ATRX: variants seen among roughly 807,000 people sequenced by gnomAD.
The protein encoded by ATRX is ATRX chromatin remodeler.
A neutral mutation model predicts 172.6 loss-of-function variants in ATRX; 12 were observed. The observed-to-expected ratio is 0.07, with a 90% confidence interval of 0.04 to 0.11. ATRX has a LOEUF of 0.11. Ranked by LOEUF, ATRX falls within the 10% of genes least tolerant of loss-of-function variation. The probability of loss-of-function intolerance (pLI) is 1.00; values close to 1 mark genes in which losing one functional copy is unlikely to be tolerated. For missense variants in ATRX, 1,368 were observed against 1,767.4 expected (o/e 0.77, Z 4.05); for synonymous variants, 674 against 594.7 (o/e 1.13, Z -1.94).
intron 5 of ATRX, among the ~76,000 whole-genome samples, chrX:77,695,139 A>G (rs2072123170): frequency 9.2e-6 from 1 of 108,665 alleles, no homozygotes; most frequent in Non-Finnish European, 1.9e-5. Context: ...TGAAAAGAGC[A>G]CTCACTAGGC....
rs781957333 is a variant in ATRX, at chrX:77,682,911, T to C, written c.2345A>G (p.Lys782Arg). ...GKDDKGKRKR[K>R]SSTSGSDFDT... ...AAAATCTGAGCCAGATGTAGAACTT[T>C]TTCGTTTCCTTTTTCCTTTATCATC... is the stretch of plus-strand genomic sequence containing the variant. The change falls in exon 9 of 35, where the codon AAA becomes AGA. Residue 782 changes from lysine (K) to arginine (R), a missense_variant. Lys to Arg is a conservative substitution (Grantham distance 26, BLOSUM62 2). Coordinates refer to ENST00000373344, the MANE Select transcript of ATRX (RefSeq NM_000489.6). The C allele has an allele frequency of 1.7e-6, 2 of 1,208,811 alleles. No individual in the cohort carries two copies. Among genetic ancestry groups the C allele is most frequent in the South Asian group, 1.8e-5 (1 of 56,666 alleles).
intron 25 of ATRX, 132 bp downstream of exon 25, chrX:77,599,279 T>C (rs1389572278): frequency 1.5e-5 from 10 of 685,766 alleles, no homozygotes; most frequent in African/African-American, 2.2e-5. Context: ...TTATGAGTAC[T>C]TGATTAGACT....
intron 2 of ATRX, among the ~76,000 whole-genome samples, chrX:77,710,933 A>AACACACAC (rs145847838): frequency 2.0e-4 from 20 of 97,930 alleles, no homozygotes; most frequent in South Asian, 9.9e-4. Flanking sequence ...ATAGAACTTT[A>AACACACAC]ACACACACAC....
At chrX:77,755,233 T>C (rs2075446556) in intron 1 of ATRX, among the ~76,000 whole-genome samples, 2 of 112,602 alleles carry the variant, frequency 1.8e-5, no homozygotes, top group Non-Finnish European at 3.7e-5. Context: ...GCAGTTCTTG[T>C]AACCTTTTAT....
At chrX:77,567,766 A>G (rs782730917) in intron 28 of ATRX, among the ~76,000 whole-genome samples, 1 of 111,480 alleles carries the variant, frequency 9.0e-6, no homozygotes, top group Non-Finnish European at 1.9e-5. Context: ...AGCAGAGTAC[A>G]TATTCTCTTC....
At chrX:77,774,538 G>A (rs1342364696) in intron 1 of ATRX, among the ~76,000 whole-genome samples, 19 of 110,668 alleles carry the variant, frequency 1.7e-4, no homozygotes, top group East Asian at 1.1e-3. Context: ...TTAGCTGGGC[G>A]TGATGGCGGG....
At chrX:77,701,378 G>A (rs1182839243) in intron 2 of ATRX, among the ~76,000 whole-genome samples, 1 of 109,961 alleles carries the variant, frequency 9.1e-6, no homozygotes, top group Non-Finnish European at 1.9e-5. Context: ...TGGGCGTGGT[G>A]GCATGCACCT....
At chrX:77,739,321 T>G (rs2074748210) in intron 1 of ATRX, among the ~76,000 whole-genome samples, 1 of 110,256 alleles carries the variant, frequency 9.1e-6, no homozygotes, top group South Asian at 3.8e-4. Context: ...CATTAATTCA[T>G]TCATTCTTAT....
At chrX:77,686,374 T>A (rs1255334910) in intron 7 of ATRX, among the ~76,000 whole-genome samples, 8 of 111,452 alleles carry the variant, frequency 7.2e-5, no homozygotes, top group East Asian at 2.8e-4. Flanking sequence ...AATTTTTTTT[T>A]AAAAAAGGGA....
chrX:77,588,341 G>A (rs1412696795), intron 27 of ATRX, among the ~76,000 whole-genome samples: 1 of 112,013 alleles, frequency 8.9e-6, no homozygotes, highest in East Asian at 2.8e-4. Context: ...CAAACACAGG[G>A]GTTAAAGCTT....
intron 1 of ATRX, among the ~76,000 whole-genome samples, chrX:77,733,561 G>GA (rs1406640366): frequency 9.1e-6 from 1 of 109,820 alleles, no homozygotes; most frequent in Non-Finnish European, 1.9e-5. Context: ...CTGGGGAAAA[G>GA]AAAAAGGCTC....
intron 19 of ATRX, among the ~76,000 whole-genome samples, chrX:77,630,658 A>G (rs1313638378): frequency 1.8e-5 from 2 of 112,214 alleles, no homozygotes; most frequent in African/African-American, 6.5e-5. Flanking sequence ...TTTTCAACAA[A>G]TGGTGTTAGA....
At chrX:77,551,559 C>A (rs1324716296) in intron 30 of ATRX, among the ~76,000 whole-genome samples, 1 of 111,808 alleles carries the variant, frequency 8.9e-6, no homozygotes, top group Non-Finnish European at 1.9e-5. Context: ...TAGGCATGGG[C>A]AAGGACTTCA....
chrX:77,721,126 C>T (rs1197690582), intron 1 of ATRX, among the ~76,000 whole-genome samples: 1 of 111,542 alleles, frequency 9.0e-6, no homozygotes, highest in Non-Finnish European at 1.9e-5. Flanking sequence ...AAATTCAACA[C>T]TCCTTCACGC....
intron 19 of ATRX, 124 bp from the exon 20 acceptor site, chrX:77,620,656 T>C (rs1210292146): frequency 1.5e-6 from 1 of 668,471 alleles, no homozygotes; most frequent in East Asian, 3.6e-5. Flanking sequence ...AATGACATCG[T>C]TGTAAGTATA....
At chrX:77,667,935 T>C (rs1323958077) in intron 10 of ATRX, among the ~76,000 whole-genome samples, 1 of 111,168 alleles carries the variant, frequency 9.0e-6, no homozygotes, top group Admixed American at 9.6e-5. Context: ...TGGCTAAAGG[T>C]TTTATTTTTG....
At chrX:77,633,872 G>T in intron 17 of ATRX, 160 bp from the exon 18 acceptor site, 1 of 494,611 alleles carries the variant, frequency 2.0e-6, no homozygotes, top group Non-Finnish European at 3.4e-6. Context: ...AAATGCCAAA[G>T]TTCAACTAGA....
intron 19 of ATRX, among the ~76,000 whole-genome samples, chrX:77,627,673 G>A (rs1285693566): frequency 9.5e-6 from 1 of 105,091 alleles, no homozygotes; most frequent in Non-Finnish European, 1.9e-5. Flanking sequence ...ACCAGCCTGG[G>A]CAACACAGTA....
chrX:77,604,248 C>T (rs1432100218), intron 22 of ATRX, among the ~76,000 whole-genome samples: 1 of 112,236 alleles, frequency 8.9e-6, no homozygotes, highest in Non-Finnish European at 1.9e-5. Flanking sequence ...AACTAGACAT[C>T]CAACAGGGGA....
Sources: allele counts gnomAD v4.1 joint callset (sites outside exome capture counted in the v4.1 genomes callset), GRCh38; gene constraint gnomAD v4.1.1; transcripts MANE v1.5; gene names NCBI Gene and HGNC (gene_info 2026-07-23, HGNC 2026-07-21).